The following DDAH1 variants were observed in gnomAD, a reference collection of about 807,000 sequenced individuals.
DDAH1 encodes N(G),N(G)-dimethylarginine dimethylaminohydrolase 1.
Under a neutral mutation model 28.8 loss-of-function variants are expected in DDAH1, and 19 were observed. The observed-to-expected ratio is 0.66, with a 90% CI of 0.46 to 0.97. The LOEUF is 0.97. Ranked by LOEUF, DDAH1 falls within the 50% of genes least tolerant of loss-of-function variation. The pLI is 0.00. For missense variants in DDAH1, 326 were observed against 375.9 expected (o/e 0.87, Z 1.10); for synonymous variants, 153 against 154.4 (o/e 0.99, Z 0.07).
At chr1:85,457,837 C>A (rs1217774861) in intron 1 of DDAH1, among the ~76,000 whole-genome samples, 1 of 152,086 alleles carries the variant, frequency 6.6e-6, no homozygotes, top group Non-Finnish European at 1.5e-5. Flanking sequence ...CTACAGGCGC[C>A]TGCCAGCACG....
chr1:85,427,145 T>C (rs1011573887), intron 1 of DDAH1, among the ~76,000 whole-genome samples: 1 of 151,986 alleles, frequency 6.6e-6, no homozygotes, highest in Non-Finnish European at 1.5e-5. Flanking sequence ...ACACATCAGG[T>C]GCCTTCACAT....
intron 1 of DDAH1, among the ~76,000 whole-genome samples, chr1:85,391,848 T>G (rs751262992): frequency 1.3e-5 from 2 of 152,162 alleles, no homozygotes; most frequent in Non-Finnish European, 2.9e-5. Context: ...CCCCAAATAT[T>G]TCCAGGGAAA....
At chr1:85,488,119 G>A (rs943776445) in intron 2 of DDAH1, among the ~76,000 whole-genome samples, 2 of 152,116 alleles carry the variant, frequency 1.3e-5, no homozygotes, top group African/African-American at 4.8e-5. Flanking sequence ...CAGAGGCAGA[G>A]GTTGCAGTGA....
intron 4 of DDAH1, among the ~76,000 whole-genome samples, chr1:85,336,254 C>T (rs529738575): frequency 6.6e-6 from 1 of 151,998 alleles, no homozygotes; most frequent in South Asian, 2.1e-4. Context: ...AGGCCCCAAA[C>T]AAGTATCAAC....
chr1:85,465,182 C>G (rs1282437597), upstream of DDAH1: 1 of 1,138,826 alleles, frequency 8.8e-7, no homozygotes, highest in Non-Finnish European at 1.1e-6. Flanking sequence ...GCCCAGCTCG[C>G]GCCCGGAGCC....
intron 1 of DDAH1, among the ~76,000 whole-genome samples, chr1:85,383,388 A>G (rs1484393782): frequency 6.6e-6 from 1 of 152,254 alleles, no homozygotes; most frequent in Non-Finnish European, 1.5e-5. Flanking sequence ...CTGCAATCTC[A>G]TGATAAAACT....
intron 1 of DDAH1, among the ~76,000 whole-genome samples, chr1:85,513,333 C>T (rs959009707): frequency 2.6e-5 from 4 of 152,122 alleles, no homozygotes; most frequent in African/African-American, 9.7e-5. Flanking sequence ...TTCCTTATAC[C>T]TTATACAAAA....
At chr1:85,405,433 G>T (rs1339561285) in intron 1 of DDAH1, among the ~76,000 whole-genome samples, 1 of 152,160 alleles carries the variant, frequency 6.6e-6, no homozygotes, top group Non-Finnish European at 1.5e-5. Flanking sequence ...ACACGGAGAT[G>T]GTTCCTTTAA....
chr1:85,473,433 A>G (rs1413710697), intron 2 of DDAH1, among the ~76,000 whole-genome samples: 1 of 152,216 alleles, frequency 6.6e-6, no homozygotes. Flanking sequence ...AATGTAGAAG[A>G]AAAGAAAAAC....
At chr1:85,510,907 C>T (rs1318545128) in intron 1 of DDAH1, among the ~76,000 whole-genome samples, 4 of 152,070 alleles carry the variant, frequency 2.6e-5, no homozygotes, top group Non-Finnish European at 4.4e-5. Context: ...AATGGGAGAC[C>T]TTAACACCCC....
At chr1:85,514,196 A>C (rs1456197330) in intron 1 of DDAH1, among the ~76,000 whole-genome samples, 1 of 152,206 alleles carries the variant, frequency 6.6e-6, no homozygotes, top group Non-Finnish European at 1.5e-5. Context: ...ATGGAATACT[A>C]TGCAGCCATA....
At chr1:85,496,955 C>T (rs530107311) in intron 1 of DDAH1, among the ~76,000 whole-genome samples, 2 of 152,264 alleles carry the variant, frequency 1.3e-5, no homozygotes, top group South Asian at 4.1e-4. Context: ...ACATTGAGGA[C>T]ATTCTGCATA....
upstream of DDAH1, among the ~76,000 whole-genome samples, chr1:85,469,584 G>C (rs530109230): frequency 7.9e-5 from 12 of 152,194 alleles, no homozygotes; most frequent in Non-Finnish European, 1.6e-4. Flanking sequence ...TGAACAGAAG[G>C]CTTTGCACAT....
chr1:85,543,040 A>G (rs938106763), intron 1 of DDAH1, among the ~76,000 whole-genome samples: 3 of 152,190 alleles, frequency 2.0e-5, no homozygotes, highest in African/African-American at 4.8e-5. Context: ...TTCAAAGTCA[A>G]TGCTTTTAAT....
intron 1 of DDAH1, among the ~76,000 whole-genome samples, chr1:85,550,434 T>C (rs950604920): frequency 6.6e-6 from 1 of 152,138 alleles, no homozygotes; most frequent in African/African-American, 2.4e-5. Flanking sequence ...ACTACTCTGC[T>C]CCAAGTTCTT....
chr1:85,355,798 A>G (rs1229739920), intron 2 of DDAH1, among the ~76,000 whole-genome samples: 1 of 152,212 alleles, frequency 6.6e-6, no homozygotes, highest in Non-Finnish European at 1.5e-5. Flanking sequence ...TATTCTTATC[A>G]CAGAGAACTA....
intron 1 of DDAH1, among the ~76,000 whole-genome samples, chr1:85,524,001 C>T (rs1379120656): frequency 1.3e-5 from 2 of 151,650 alleles, no homozygotes; most frequent in African/African-American, 4.8e-5. Flanking sequence ...CTACTGATGT[C>T]AGGCATGAGG....
chr1:85,543,764 T>C (rs1658540633), intron 1 of DDAH1, among the ~76,000 whole-genome samples: 1 of 152,192 alleles, frequency 6.6e-6, no homozygotes, highest in Admixed American at 6.5e-5. Context: ...AAATAAATTC[T>C]GATACTGTTG....
At chr1:85,576,450 G>A (rs78608505) in intron 1 of DDAH1, among the ~76,000 whole-genome samples, 2,625 of 152,302 alleles carry the variant, frequency 0.017, 31 homozygotes, top group Middle Eastern at 0.041. Context: ...AGGGGTCGTG[G>A]GAGGCCAGGA....
Sources: allele counts gnomAD v4.1 joint callset (sites outside exome capture counted in the v4.1 genomes callset), GRCh38; gene constraint gnomAD v4.1.1; transcripts MANE v1.5; gene names NCBI Gene and HGNC (gene_info 2026-07-23, HGNC 2026-07-21).